MINDY2: variants seen among roughly 807,000 people sequenced by gnomAD.
MINDY2 encodes ubiquitin carboxyl-terminal hydrolase MINDY-2.
Under a neutral mutation model 68.2 loss-of-function variants are expected in MINDY2, and 52 were observed. The ratio of observed to expected loss-of-function variants is 0.76; its 90% CI spans 0.61 to 0.96. The LOEUF is 0.96. MINDY2 is among the 40% of genes least tolerant of loss of function. MINDY2 has a pLI of 0.00. For synonymous variants in MINDY2, 372 were observed against 303.0 expected (o/e 1.23, Z -2.36); for missense variants, 881 against 773.4 (o/e 1.14, Z -1.65).
At chr15:58,820,322 T>A (rs1006100361) in intron 4 of MINDY2, among the ~76,000 whole-genome samples, 32 of 151,540 alleles carry the variant, frequency 2.1e-4, no homozygotes, top group African/African-American at 7.5e-4. Context: ...CGGGCGCCTG[T>A]AATCCCTGCT....
intron 2 of MINDY2, among the ~76,000 whole-genome samples, chr15:58,799,297 G>T (rs926655442): frequency 6.6e-6 from 1 of 152,204 alleles, no homozygotes; most frequent in Admixed American, 6.5e-5. Flanking sequence ...GCTGGGCGCG[G>T]TGGCTCACGC....
chr15:58,797,843 G>A (rs1266739846), intron 2 of MINDY2, among the ~76,000 whole-genome samples: 1 of 152,154 alleles, frequency 6.6e-6, no homozygotes, highest in South Asian at 2.1e-4. Context: ...GCAGAGAACC[G>A]ATGAGCAGAG....
At chr15:58,821,459 T>C (rs2031055930) in intron 4 of MINDY2, among the ~76,000 whole-genome samples, 1 of 152,130 alleles carries the variant, frequency 6.6e-6, no homozygotes, top group African/African-American at 2.4e-5. Flanking sequence ...GAAATAAAGT[T>C]GCATGTAATA....
chr15:58,849,968 C>T (rs887222502), intron 7 of MINDY2, among the ~76,000 whole-genome samples: 6 of 152,186 alleles, frequency 3.9e-5, no homozygotes, highest in Admixed American at 3.9e-4. Flanking sequence ...AACTCCTGGG[C>T]TCAAGTGATG....
chr15:58,810,351 A>T lies in MINDY2; in HGVS notation c.1085A>T (p.Asp362Val). Residue 362 changes from aspartate to valine, a missense_variant, in exon 4 of 9, where the codon GAT (aspartate) becomes GTT (valine). By Grantham distance (152) the Asp-to-Val change is radical (BLOSUM62 -3). Coordinates refer to ENST00000559228, the MANE Select transcript of MINDY2 (RefSeq NM_001040450.3). ...GAATGCATAGTATTTGATCTTCTTG[A>T]TATTCCTTTGTACCATGGGTGGTTA... ...TPECIVFDLLDIPLYHGWLVD... is the reference protein window; with the variant it reads ...TPECIVFDLLVIPLYHGWLVD... 2 of 1,612,042 alleles carry T rather than the reference A, an allele frequency of 1.2e-6. No individual in the cohort carries two copies. Among genetic ancestry groups the T allele is most frequent in the South Asian group, 1.1e-5 (1 of 90,348 alleles).
intron 8 of MINDY2, among the ~76,000 whole-genome samples, chr15:58,853,787 C>T (rs1395228172): frequency 7.1e-6 from 1 of 139,946 alleles, no homozygotes; most frequent in Non-Finnish European, 1.5e-5. Context: ...TGCCACTGCA[C>T]TCCAGCCTAA....
At chr15:58,800,179 C>G (rs1440225594) in intron 2 of MINDY2, among the ~76,000 whole-genome samples, 1 of 152,112 alleles carries the variant, frequency 6.6e-6, no homozygotes, top group South Asian at 2.1e-4. Flanking sequence ...CCTAAAGTAG[C>G]TATCAAATTT....
chr15:58,858,378 C>CA lies in MINDY2; in HGVS notation c.*3769dup, dbSNP rs1367653671. On this transcript the variant is annotated 3_prime_UTR_variant, in exon 9 of 9. Coordinates refer to ENST00000559228, the MANE Select transcript of MINDY2 (RefSeq NM_001040450.3). ...TTGGCTTAACTAAGCAAGTTAGTAT[C>CA]AGAGACTAGTTGACTGAACCCAAGA... 6.6e-6 allele frequency: 1 copy of CA among 152,136 alleles called. No homozygotes were observed. The highest frequency in any genetic ancestry group is 1.5e-5 in the Non-Finnish European group (1 of 67,998). 9.4% of individuals were successfully genotyped at this position (152,136 alleles called of 1,614,324 possible). A position where few individuals can be genotyped will look rare whatever the true frequency, so the allele number is the denominator to read the frequency against.
At chr15:58,786,457 G>A (rs1462282621) in intron 1 of MINDY2, among the ~76,000 whole-genome samples, 9 of 152,162 alleles carry the variant, frequency 5.9e-5, no homozygotes, top group African/African-American at 1.9e-4. Flanking sequence ...ATCATTGACT[G>A]TAATATCCAT....
intron 5 of MINDY2, among the ~76,000 whole-genome samples, chr15:58,825,612 G>A (rs1819884544): frequency 6.6e-6 from 1 of 151,642 alleles, no homozygotes; most frequent in South Asian, 2.1e-4. Context: ...TTGTTTGTTT[G>A]TTTTGAGACA....
At chr15:58,810,929 G>A (rs1222907568) in intron 4 of MINDY2, among the ~76,000 whole-genome samples, 1 of 152,146 alleles carries the variant, frequency 6.6e-6, no homozygotes, top group African/African-American at 2.4e-5. Flanking sequence ...CCCACCTTCA[G>A]TGTTCAGATT....
At position 58,772,213 on chromosome 15, in the gene MINDY2, A is replaced by G. The variant is rs540617465; in HGVS notation, c.818A>G (p.Asn273Ser). 4.3e-6 allele frequency: 7 copies of G among 1,612,418 alleles called. No individual in the cohort carries two copies. Among genetic ancestry groups the G allele is most frequent in the African/African-American group, 2.7e-5 (2 of 75,050 alleles). The change falls in exon 1 of 9, where the codon AAT becomes AGT. Residue 273 changes from asparagine (N) to serine (S), a missense_variant. Coordinates refer to ENST00000559228, the MANE Select transcript of MINDY2 (RefSeq NM_001040450.3). ...CCCTGCCCCTTGCTGGCCATCCTCA[A>G]TGTTTTGCTCCTGGCCTGGAAGGTA... ...NGPCPLLAIL[N>S]VLLLAWKVKL...
intron 4 of MINDY2, among the ~76,000 whole-genome samples, chr15:58,810,686 T>G (rs1239802332): frequency 6.6e-6 from 1 of 152,138 alleles, no homozygotes; most frequent in African/African-American, 2.4e-5. Context: ...TACCCTCAGG[T>G]TCAGTAATTC....
chr15:58,787,046 T>A (rs576276751), intron 1 of MINDY2, among the ~76,000 whole-genome samples: 3 of 152,204 alleles, frequency 2.0e-5, no homozygotes, highest in African/African-American at 7.2e-5. Flanking sequence ...GCTAGGCTGG[T>A]CTCGAACTCC....
intron 1 of MINDY2, among the ~76,000 whole-genome samples, chr15:58,775,115 ACT>A (rs1900695527): frequency 6.6e-6 from 1 of 152,126 alleles, no homozygotes. Context: ...TTTCACTCTT[ACT>A]CTCTTACAAG....
intron 2 of MINDY2, among the ~76,000 whole-genome samples, chr15:58,799,016 G>A (rs1259789181): frequency 1.3e-5 from 2 of 152,196 alleles, no homozygotes; most frequent in African/African-American, 4.8e-5. Flanking sequence ...TAGACCTGGT[G>A]TAGCTAAAGA....
intron 1 of MINDY2, among the ~76,000 whole-genome samples, chr15:58,782,584 G>C (rs1251524805): frequency 6.6e-6 from 1 of 151,946 alleles, no homozygotes. Context: ...TCCTCATCGT[G>C]CTTCACTTTT....
At chr15:58,830,829 T>G (rs1391214639) in intron 5 of MINDY2, among the ~76,000 whole-genome samples, 1 of 152,030 alleles carries the variant, frequency 6.6e-6, no homozygotes, top group Non-Finnish European at 1.5e-5. Flanking sequence ...AATGTTGCCT[T>G]GTTTGACCTC....
At chr15:58,815,101 A>G (rs2030590292) in intron 4 of MINDY2, among the ~76,000 whole-genome samples, 1 of 152,100 alleles carries the variant, frequency 6.6e-6, no homozygotes, top group Admixed American at 6.6e-5. Flanking sequence ...GAATATGGTC[A>G]ATGTTGGGTT....
Sources: allele counts gnomAD v4.1 joint callset (sites outside exome capture counted in the v4.1 genomes callset), GRCh38; gene constraint gnomAD v4.1.1; transcripts MANE v1.5; gene names NCBI Gene and HGNC (gene_info 2026-07-23, HGNC 2026-07-21).